Variants in MACROD2 observed in about 807,000 individuals in gnomAD.
MACROD2 encodes ADP-ribose glycohydrolase MACROD2.
A neutral mutation model predicts 70.4 loss-of-function variants in MACROD2; 36 were observed. The observed-to-expected ratio is 0.51, with a 90% CI of 0.39 to 0.68. MACROD2 has a LOEUF of 0.68. MACROD2 is among the 30% of genes least tolerant of loss of function. The pLI is 0.00. For synonymous variants in MACROD2, 172 were observed against 178.8 expected (o/e 0.96, Z 0.30); for missense variants, 496 against 538.4 (o/e 0.92, Z 0.78).
At chr20:14,132,829 G>C (rs2054735448) in intron 3 of MACROD2, among the ~76,000 whole-genome samples, 1 of 152,012 alleles carries the variant, frequency 6.6e-6, no homozygotes, top group African/African-American at 2.4e-5. Context: ...TATTTGTAGA[G>C]TTGGGGTTGC....
intron 3 of MACROD2, among the ~76,000 whole-genome samples, chr20:14,382,529 G>A (rs1019332095): frequency 6.6e-6 from 1 of 151,916 alleles, no homozygotes; most frequent in East Asian, 2.0e-4. Flanking sequence ...TTAGCGGGGC[G>A]TGGTGGTTCA....
chr20:14,044,033 G>C (rs567342894), intron 2 of MACROD2, among the ~76,000 whole-genome samples: 2 of 152,298 alleles, frequency 1.3e-5, no homozygotes, highest in South Asian at 4.1e-4. Flanking sequence ...TGAATTGGTG[G>C]GTTCTTGGTC....
chr20:14,538,961 G>A (rs1216466439), intron 4 of MACROD2, among the ~76,000 whole-genome samples: 3 of 152,096 alleles, frequency 2.0e-5, no homozygotes, highest in Non-Finnish European at 4.4e-5. Flanking sequence ...GTTCTGTTTC[G>A]CTGGTGTGTC....
At chr20:15,472,679 T>G (rs2046977085) in intron 7 of MACROD2, among the ~76,000 whole-genome samples, 1 of 152,202 alleles carries the variant, frequency 6.6e-6, no homozygotes, top group Non-Finnish European at 1.5e-5. Flanking sequence ...TTTCCCCTCT[T>G]GCTATCATCC....
chr20:15,139,592 T>C (rs931420649), intron 5 of MACROD2, among the ~76,000 whole-genome samples: 1 of 152,162 alleles, frequency 6.6e-6, no homozygotes, highest in Admixed American at 6.5e-5. Context: ...GAGAATTTTG[T>C]TTTCATTTTT....
chr20:14,116,595 T>G (rs1441298814), intron 3 of MACROD2, among the ~76,000 whole-genome samples: 2 of 152,196 alleles, frequency 1.3e-5, no homozygotes, highest in African/African-American at 4.8e-5. Context: ...ATTATAAACA[T>G]AATAATGTAA....
chr20:15,476,126 G>T (rs935394660), intron 7 of MACROD2, among the ~76,000 whole-genome samples: 1 of 152,038 alleles, frequency 6.6e-6, no homozygotes, highest in Non-Finnish European at 1.5e-5. Flanking sequence ...CTAGATTTTT[G>T]ACTGATTTGG....
At chr20:14,890,978 CCTTCCTTCCTT>C (rs1233870285) in intron 5 of MACROD2, among the ~76,000 whole-genome samples, 227 of 140,538 alleles carry the variant, frequency 1.6e-3, no homozygotes, top group African/African-American at 5.9e-3. Flanking sequence ...TTCCTTCCTT[CCTTCCTTCCTT>C]CCTCCCTCCC....
intron 8 of MACROD2, among the ~76,000 whole-genome samples, chr20:15,825,967 C>T (rs1441434606): frequency 6.6e-6 from 1 of 152,186 alleles, no homozygotes; most frequent in Admixed American, 6.5e-5. Flanking sequence ...TTCACACCCT[C>T]TGCAGGAATT....
At chr20:14,237,750 G>A (rs1459470337) in intron 3 of MACROD2, among the ~76,000 whole-genome samples, 1 of 132,554 alleles carries the variant, frequency 7.5e-6, no homozygotes, top group African/African-American at 2.9e-5. Flanking sequence ...GTGTCCATGT[G>A]TTCTCATTGT....
intron 5 of MACROD2, among the ~76,000 whole-genome samples, chr20:15,226,034 T>G (rs1206415602): frequency 6.6e-6 from 1 of 152,190 alleles, no homozygotes; most frequent in Non-Finnish European, 1.5e-5. Context: ...TGATGCTCAT[T>G]TATCTGGACA....
chr20:15,558,569 A>T (rs577047704), intron 8 of MACROD2, among the ~76,000 whole-genome samples: 1 of 152,310 alleles, frequency 6.6e-6, no homozygotes, highest in Non-Finnish European at 1.5e-5. Flanking sequence ...TTTTGGCTAC[A>T]TTGAAACGTG....
At chr20:15,606,950 C>G (rs1260177313) in intron 8 of MACROD2, among the ~76,000 whole-genome samples, 1 of 147,124 alleles carries the variant, frequency 6.8e-6, no homozygotes, top group African/African-American at 2.5e-5. Context: ...TGCCATGAGC[C>G]AAGATCGCAC....
chr20:15,584,074 A>C (rs1457571433), intron 8 of MACROD2, among the ~76,000 whole-genome samples: 1 of 152,162 alleles, frequency 6.6e-6, no homozygotes, highest in Non-Finnish European at 1.5e-5. Context: ...TACCCTAAAG[A>C]GTCTTCCAAA....
chr20:14,435,482 A>G (rs1400651282), intron 3 of MACROD2, among the ~76,000 whole-genome samples: 5 of 152,118 alleles, frequency 3.3e-5, no homozygotes, highest in East Asian at 1.9e-4. Flanking sequence ...GCTTTTGTTC[A>G]TAGTGGAGGT....
intron 12 of MACROD2, among the ~76,000 whole-genome samples, chr20:15,945,008 A>G (rs1414197971): frequency 2.6e-5 from 4 of 152,120 alleles, no homozygotes; most frequent in Admixed American, 6.5e-5. Context: ...TCTTCCAACT[A>G]CTTGGGCCCA....
At chr20:14,563,285 A>T (rs2123297216) in intron 4 of MACROD2, among the ~76,000 whole-genome samples, 1 of 152,114 alleles carries the variant, frequency 6.6e-6, no homozygotes, top group South Asian at 2.1e-4. Flanking sequence ...AAAAGAAAAA[A>T]AGACACAAGA....
At chr20:14,832,528 C>T (rs1053453288) in intron 5 of MACROD2, among the ~76,000 whole-genome samples, 1 of 151,986 alleles carries the variant, frequency 6.6e-6, no homozygotes, top group Non-Finnish European at 1.5e-5. Flanking sequence ...TCAGAAAGAG[C>T]CACATTTGTT....
intron 3 of MACROD2, among the ~76,000 whole-genome samples, chr20:14,461,664 C>A (rs1452205956): frequency 1.3e-5 from 2 of 151,314 alleles, no homozygotes; most frequent in Admixed American, 6.6e-5. Context: ...CCCACCCCCA[C>A]CCCACAACAG....
Sources: gnomAD v4.1 joint callset for allele counts (sites outside exome capture counted in the v4.1 genomes callset) on GRCh38, gnomAD v4.1.1 for gene constraint, MANE v1.5 for transcripts, NCBI Gene and HGNC (gene_info 2026-07-23, HGNC 2026-07-21) for gene names.